Variants in SQLE observed in about 807,000 individuals in gnomAD.
The protein encoded by SQLE is squalene epoxidase, also known as squalene monooxygenase.
SQLE carries 29 observed loss-of-function variants against 60.7 expected under a neutral mutation model. That is an observed-to-expected ratio of 0.48 (90% CI 0.36 to 0.65). The LOEUF is 0.65. Among genes scored for constraint, SQLE ranks in the 30% least tolerant of loss-of-function variants. The pLI is 0.00. For missense variants in SQLE, 605 were observed against 684.1 expected, an observed-to-expected ratio of 0.88 and a Z score of 1.29; for synonymous variants, 237 against 246.8, an observed-to-expected ratio of 0.96 and a Z score of 0.37.
intron 6 of SQLE, among the ~76,000 whole-genome samples, chr8:125,009,867 A>G (rs549655186): frequency 3.3e-5 from 5 of 152,118 alleles, no homozygotes; most frequent in South Asian, 2.1e-4. Context: ...TTTTATTGGC[A>G]TATATGGTAT....
In SQLE at chr8:125,016,104, G is replaced by A. The variant is rs1161072095; in HGVS notation, c.1205-1955G>A. Among the ~76,000 whole-genome samples, 1 of 152,044 alleles carries A rather than the reference G, an allele frequency of 6.6e-6. No individual in the cohort carries two copies. The highest frequency in any genetic ancestry group is 2.4e-5 in the African/African-American group (1 of 41,402). ...TGGATTAAATCAATCACCAATCCTT[G>A]CTTGGTGTTCTGTAGCTTTCTTGTG... On this transcript the variant is annotated intron_variant, in intron 7 of 10. Coordinates refer to ENST00000265896, the MANE Select transcript of SQLE (RefSeq NM_003129.4). The surrounding 1 kb of genome is among the most constrained non-coding windows in gnomAD (Gnocchi z 4.1).
At chr8:125,004,982 G>C (rs1046094002) in intron 2 of SQLE, among the ~76,000 whole-genome samples, 1 of 152,106 alleles carries the variant, frequency 6.6e-6, no homozygotes, top group African/African-American at 2.4e-5. Context: ...TTTGTCCTGA[G>C]TCACTTTTAA....
chr8:125,000,993 C>G (rs1814838228), intron 1 of SQLE, among the ~76,000 whole-genome samples: 2 of 152,126 alleles, frequency 1.3e-5, no homozygotes, highest in South Asian at 4.1e-4. Context: ...GTAGTTAATA[C>G]CTAGTCTATA....
At chr8:125,006,885 A>G (rs926374593) in intron 3 of SQLE, among the ~76,000 whole-genome samples, 1 of 151,796 alleles carries the variant, frequency 6.6e-6, no homozygotes, top group African/African-American at 2.4e-5. Context: ...TTGTATTTTT[A>G]GTAGAGACGG....
chr8:125,003,312 CCAGAGA>C lies in SQLE; in HGVS notation c.429_434del (p.Arg144_Asp145del). The C allele has an allele frequency of 6.2e-7, 1 of 1,613,904 alleles. No individual in the cohort carries two copies. The highest frequency in any genetic ancestry group is 1.7e-5 in the Admixed American group (1 of 60,010). ...GGCTCTGCTTTGGCAGCTGTGCTTTCCAGAGATGGAAGAAAGGTGACAGTCATTGAG... is the reference window on the plus strand; with the variant it reads ...GGCTCTGCTTTGGCAGCTGTGCTTTCTGGAAGAAAGGTGACAGTCATTGAG... On this transcript the variant is annotated inframe_deletion, in exon 2 of 11. Coordinates refer to ENST00000265896, the MANE Select transcript of SQLE (RefSeq NM_003129.4).
At position 125,001,345 on chromosome 8, in the gene SQLE, G is replaced by T. The variant is rs1197305486; in HGVS notation, c.291+1651G>T. Among the ~76,000 whole-genome samples, 3 of 151,946 alleles carry T rather than the reference G, an allele frequency of 2.0e-5. No homozygotes were observed. In the East Asian group the frequency reaches 5.8e-4, roughly 29 times the overall value. On this transcript the variant is annotated intron_variant, in intron 1 of 10. Transcript: ENST00000265896. Reference sequence around the variant, plus strand: ...TTTCTCTTTATTTTTTTGTGAACCAGGGAGTTGTTAGATTGTGATCTATTG... The same window carrying T: ...TTTCTCTTTATTTTTTTGTGAACCATGGAGTTGTTAGATTGTGATCTATTG...
In SQLE at chr8:125,003,149, C is replaced by T. The variant is rs780847276; in HGVS notation, c.292-27C>T. The T allele has an allele frequency of 1.0e-5, 16 of 1,554,842 alleles. No homozygotes were observed. The South Asian group carries it at 1.5e-4, about 14-fold the overall frequency. On this transcript the variant is annotated intron_variant, in intron 1 of 10. Coordinates refer to ENST00000265896, the MANE Select transcript of SQLE (RefSeq NM_003129.4). ...ATTTGAATCTAACAAATTTGGATAC[C>T]TAGTTTACCTTTTTTTTTTTAAACA...
At chr8:125,018,482 T>C (rs966945) in intron 8 of SQLE, 149 bp from the exon 9 acceptor site, 139,383 of 666,650 alleles carry the variant, frequency 0.21, 15,673 homozygotes, top group Admixed American at 0.36. Flanking sequence ...CTGAAGGTGA[T>C]TTTTTATTTT....
intron 2 of SQLE, 48 bp from the exon 3 acceptor site, chr8:125,005,477 C>T (rs746861951): frequency 6.1e-5 from 89 of 1,456,352 alleles, no homozygotes; most frequent in Middle Eastern, 2.0e-4. Context: ...TAGTTTAACG[C>T]TGGGTGTGTT....
Position 124,998,754 on chromosome 8 carries a change from C to T in SQLE, c.-650C>T, listed in dbSNP as rs936275274. ...AAATCTTTAGGTTGGGGCTGCATTG[C>T]CCTGGAGCCGCACTCTTGAGTCCGA... On this transcript the variant is annotated 5_prime_UTR_variant, in exon 1 of 11. Coordinates refer to ENST00000265896, the MANE Select transcript of SQLE (RefSeq NM_003129.4). 12 of 532,134 alleles carry T rather than the reference C, an allele frequency of 2.3e-5. No homozygotes were observed. The highest frequency in any genetic ancestry group is 1.1e-4 in the Admixed American group (3 of 27,140). The allele number at this position is 532,134 out of a possible 1,614,324, so 33.0% of individuals were successfully genotyped here. A position where few individuals can be genotyped will look rare whatever the true frequency, so the allele number is the denominator to read the frequency against.
Position 124,999,318 on chromosome 8 carries a change from T to G in SQLE, c.-86T>G, listed in dbSNP as rs1814801515. 1 of 1,354,976 alleles carries G rather than the reference T, an allele frequency of 7.4e-7. No homozygotes were observed. Among genetic ancestry groups the G allele is most frequent in the Non-Finnish European group, 9.6e-7 (1 of 1,040,758 alleles). 83.9% of individuals were successfully genotyped at this position (1,354,976 alleles called of 1,614,324 possible). A position where few individuals can be genotyped will look rare whatever the true frequency, so the allele number is the denominator to read the frequency against. ...TCTGGCCGGCTCTCCGTGCTCCTCT[T>G]GGTACCTCATTTTGGGGAGAACCTT... On this transcript the variant is annotated 5_prime_UTR_variant, in exon 1 of 11. Transcript: ENST00000265896.
At position 125,021,806 on chromosome 8, in the gene SQLE, A is replaced by G. The variant is rs1347305634; in HGVS notation, c.1586A>G (p.Tyr529Cys). The part of the protein sequence containing the change: ...LIGHFFAVAI[Y>C]AVYFCFKSEP... Reference sequence around the variant, plus strand: ...GGACACTTCTTTGCTGTTGCAATCTATGCCGTGTATTTTTGCTTTAAGTCA... The same window carrying G: ...GGACACTTCTTTGCTGTTGCAATCTGTGCCGTGTATTTTTGCTTTAAGTCA... The change falls in exon 11 of 11, where the codon TAT becomes TGT. Residue 529 changes from tyrosine (Y) to cysteine (C), a missense_variant. Tyr to Cys is a radical substitution (Grantham distance 194, BLOSUM62 -2). Transcript: ENST00000265896. 6.2e-7 allele frequency: 1 copy of G among 1,609,660 alleles called. No homozygotes were observed. Among genetic ancestry groups the G allele is most frequent in the South Asian group, 1.1e-5 (1 of 90,210 alleles).
intron 7 of SQLE, 103 bp from the exon 8 acceptor site, chr8:125,017,956 C>G: frequency 7.7e-7 from 1 of 1,305,618 alleles, no homozygotes; most frequent in Non-Finnish European, 1.1e-6. Flanking sequence ...TCACATTTTT[C>G]TTATTATTAG....
At chr8:125,002,525 A>T (rs1293386299) in intron 1 of SQLE, among the ~76,000 whole-genome samples, 3 of 152,108 alleles carry the variant, frequency 2.0e-5, no homozygotes, top group Non-Finnish European at 2.9e-5. Context: ...TAAAAATACA[A>T]AATTAGCCGG....
In SQLE at chr8:125,016,880, C is replaced by T. The variant is rs778416037; in HGVS notation, c.1205-1179C>T. Among the ~76,000 whole-genome samples, 16 of 152,144 alleles carry T rather than the reference C, an allele frequency of 1.1e-4. No homozygotes were observed. Among genetic ancestry groups the T allele is most frequent in the South Asian group, 4.2e-4 (2 of 4,818 alleles). ...GACCCTTGCAGACTTGTAGAGGTACCGCCTTGGTGGTCTTGGGTAATATCT... is the reference window on the plus strand; with the variant it reads ...GACCCTTGCAGACTTGTAGAGGTACTGCCTTGGTGGTCTTGGGTAATATCT... On this transcript the variant is annotated intron_variant, in intron 7 of 10. Coordinates refer to ENST00000265896, the MANE Select transcript of SQLE (RefSeq NM_003129.4). This position sits in a 1 kb window ranked among gnomAD's most constrained non-coding sequence, Gnocchi z 4.1.
At position 125,005,712 on chromosome 8, in the gene SQLE, CCA is replaced by C; in HGVS notation, c.725+10_725+11del. ...CAGCTATGGCAGAGCCCAAGTAAGA[CCA>C]CAGTTTCAAATATATAATTACTAAA... On this transcript the variant is annotated splice_region_variant and intron_variant, in intron 3 of 10. Transcript: ENST00000265896. The C allele has an allele frequency of 6.5e-7, 1 of 1,539,652 alleles. No individual in the cohort carries two copies. The highest frequency in any genetic ancestry group is 8.8e-7 in the Non-Finnish European group (1 of 1,135,308).
At chr8:125,017,632 A>G (rs191835290) in intron 7 of SQLE, among the ~76,000 whole-genome samples, 4 of 152,292 alleles carry the variant, frequency 2.6e-5, no homozygotes, top group African/African-American at 9.6e-5. Flanking sequence ...GCTGGTACCC[A>G]GGCTGACTTT....
intron 7 of SQLE, among the ~76,000 whole-genome samples, chr8:125,017,099 A>G (rs996691768): frequency 7.2e-5 from 11 of 151,954 alleles, no homozygotes. Flanking sequence ...TATTGGTGAA[A>G]GGCTTGTGGT....
At chr8:125,019,970 GTAAC>G (rs1335259128) in intron 9 of SQLE, among the ~76,000 whole-genome samples, 1 of 152,110 alleles carries the variant, frequency 6.6e-6, no homozygotes, top group Non-Finnish European at 1.5e-5. Flanking sequence ...GCAAATGAAA[GTAAC>G]TAAGTTTAGA....
Sources: allele counts gnomAD v4.1 joint callset (sites outside exome capture counted in the v4.1 genomes callset), GRCh38; gene constraint gnomAD v4.1.1; non-coding constraint Gnocchi (gnomAD v3.1); transcripts MANE v1.5; gene names NCBI Gene and HGNC (gene_info 2026-07-23, HGNC 2026-07-21).